Variants in AFF3 observed in about 807,000 individuals in gnomAD.
AFF3 encodes the protein ALF transcription elongation factor 3.
Under a neutral mutation model 129.7 loss-of-function variants are expected in AFF3, and 32 were observed. The observed-to-expected ratio is 0.25, with a 90% CI of 0.19 to 0.33. The LOEUF (loss-of-function observed/expected upper bound fraction) is 0.33, where lower values mean the gene tolerates loss of function less well. Among genes scored for constraint, AFF3 ranks in the 10% least tolerant of loss-of-function variants. AFF3 has a pLI of 1.00. For missense variants in AFF3, 1,373 were observed against 1,592.0 expected, an observed-to-expected ratio of 0.86 and a Z score of 2.34; for synonymous variants, 644 against 635.4, an observed-to-expected ratio of 1.01 and a Z score of -0.20.
chr2:100,044,835 G>A (rs756479894), intron 4 of AFF3, among the ~76,000 whole-genome samples: 27 of 151,932 alleles, frequency 1.8e-4, no homozygotes, highest in Admixed American at 9.2e-4. Context: ...CATGGGGGAT[G>A]TCTGATGGGG....
intron 11 of AFF3, among the ~76,000 whole-genome samples, chr2:99,696,819 T>A (rs1297089590): frequency 1.3e-5 from 2 of 151,874 alleles, no homozygotes; most frequent in African/African-American, 2.4e-5. Context: ...AATTTTAAAA[T>A]TTTTTTTGTA....
chr2:99,902,066 T>A (rs1694381737), intron 7 of AFF3, among the ~76,000 whole-genome samples: 1 of 151,586 alleles, frequency 6.6e-6, no homozygotes, highest in African/African-American at 2.4e-5. Context: ...AGGTCCCTCC[T>A]GGGTGCTCCC....
intron 11 of AFF3, among the ~76,000 whole-genome samples, chr2:99,684,124 A>G (rs1356601518): frequency 6.6e-6 from 1 of 152,184 alleles, no homozygotes; most frequent in African/African-American, 2.4e-5. Context: ...CTGAGAATTA[A>G]GGCCTAAGAC....
chr2:99,593,922 CG>C lies in AFF3; in HGVS notation c.1738del (p.Arg580GlyfsTer66). ...GGTGGGCTTCTTGCCCGCGGACCTC[CG>C]GGCAGGCGCGGGCGCGTTCTCCGCG... ...APAENAPAPA[R>X]RSAGKKPTRR... On this transcript the variant is annotated frameshift_variant, in exon 15 of 25. Coordinates refer to ENST00000672756, the MANE Select transcript of AFF3 (RefSeq NM_001386135.1). LOFTEE classifies it high-confidence loss of function. 3 of 1,393,356 alleles carry C rather than the reference CG, an allele frequency of 2.2e-6. No individual in the cohort carries two copies. Among genetic ancestry groups the C allele is most frequent in the Non-Finnish European group, 2.8e-6 (3 of 1,075,802 alleles). The allele number at this position is 1,393,356 out of a possible 1,614,324, so 86.3% of individuals were successfully genotyped here. A position where few individuals can be genotyped will look rare whatever the true frequency, so the allele number is the denominator to read the frequency against.
chr2:100,137,054 G>T (rs1170829332), intron 1 of AFF3, among the ~76,000 whole-genome samples: 1 of 152,068 alleles, frequency 6.6e-6, no homozygotes, highest in African/African-American at 2.4e-5. Flanking sequence ...TATATATAAA[G>T]AATTCTATTA....
chr2:99,550,029 T>C lies in AFF3; in HGVS notation c.*1445A>G. The C allele has an allele frequency of 4.4e-6, 1 of 228,142 alleles. No homozygotes were observed. The highest frequency in any genetic ancestry group is 6.3e-5 in the East Asian group (1 of 15,980). 14.1% of individuals were successfully genotyped at this position (228,142 alleles called of 1,614,324 possible). On this transcript the variant is annotated 3_prime_UTR_variant, in exon 25 of 25. Coordinates refer to ENST00000672756, the MANE Select transcript of AFF3 (RefSeq NM_001386135.1). ...TTTTTGTTTTTAACGTGTGGCAAGA[T>C]AGACCCTCTTTTTCAGGAGTTATTT... is the stretch of plus-strand genomic sequence containing the variant.
chr2:100,017,150 A>G (rs1683201353), intron 4 of AFF3, among the ~76,000 whole-genome samples: 1 of 152,078 alleles, frequency 6.6e-6, no homozygotes, highest in Non-Finnish European at 1.5e-5. Flanking sequence ...AACAGTGCAT[A>G]TAACAAATTC....
At chr2:99,749,150 A>T (rs1681415866) in intron 9 of AFF3, among the ~76,000 whole-genome samples, 1 of 152,228 alleles carries the variant, frequency 6.6e-6, no homozygotes, top group South Asian at 2.1e-4. Flanking sequence ...CACCAAAAAG[A>T]GAAAAGAAAA....
At chr2:100,050,017 G>T (rs527387114) in intron 4 of AFF3, among the ~76,000 whole-genome samples, 1 of 152,212 alleles carries the variant, frequency 6.6e-6, no homozygotes, top group Non-Finnish European at 1.5e-5. Flanking sequence ...TTCAAGACCA[G>T]CCTGGCCAAC....
chr2:99,573,567 A>G (rs1421257195), intron 18 of AFF3, among the ~76,000 whole-genome samples: 2 of 152,166 alleles, frequency 1.3e-5, no homozygotes, highest in Non-Finnish European at 2.9e-5. Flanking sequence ...TAGGGATTCA[A>G]CCTTTTACAA....
intron 7 of AFF3, among the ~76,000 whole-genome samples, chr2:99,996,548 TTTTTTG>T (rs1291448800): frequency 6.9e-6 from 1 of 145,500 alleles, no homozygotes; most frequent in East Asian, 2.0e-4. Flanking sequence ...TTTTTTTTTT[TTTTTTG>T]TATTTTTAGT....
intron 7 of AFF3, among the ~76,000 whole-genome samples, chr2:99,923,381 T>C (rs548580784): frequency 4.7e-4 from 72 of 152,346 alleles, no homozygotes; most frequent in African/African-American, 1.6e-3. Context: ...TAGCTTTTGA[T>C]GTTGAAAAGC....
intron 13 of AFF3, among the ~76,000 whole-genome samples, chr2:99,607,362 C>T (rs1680471887): frequency 6.6e-6 from 1 of 152,050 alleles, no homozygotes; most frequent in Non-Finnish European, 1.5e-5. Context: ...AAAACCCCGT[C>T]TCTACTAAAA....
chr2:99,843,708 TA>T (rs1370404508), intron 7 of AFF3, among the ~76,000 whole-genome samples: 1 of 152,228 alleles, frequency 6.6e-6, no homozygotes, highest in Non-Finnish European at 1.5e-5. Context: ...ACTGTTATTT[TA>T]AAATCGTTAA....
At chr2:99,640,988 C>T (rs1226371909) in intron 13 of AFF3, among the ~76,000 whole-genome samples, 1 of 152,176 alleles carries the variant, frequency 6.6e-6, no homozygotes, top group Non-Finnish European at 1.5e-5. Context: ...CTGTCTAGAG[C>T]TGGCTTCAGA....
intron 5 of AFF3, chr2:100,007,724 C>A: frequency 2.1e-6 from 1 of 469,828 alleles, no homozygotes; most frequent in Non-Finnish European, 3.8e-6. Context: ...CCTGGAATCC[C>A]AGCACTTTGG....
chr2:99,696,846 A>G (rs565536545), intron 11 of AFF3, among the ~76,000 whole-genome samples: 1 of 152,170 alleles, frequency 6.6e-6, no homozygotes, highest in Admixed American at 6.5e-5. Context: ...GAGTCTTGCT[A>G]TGTTGCCCAG....
chr2:100,135,048 T>C (rs374963535), intron 1 of AFF3, among the ~76,000 whole-genome samples: 2 of 152,172 alleles, frequency 1.3e-5, no homozygotes, highest in South Asian at 4.2e-4. Context: ...GGCCATGACA[T>C]AGGAGTGTTC....
intron 4 of AFF3, among the ~76,000 whole-genome samples, chr2:100,053,830 T>C (rs1686549977): frequency 6.6e-6 from 1 of 152,176 alleles, no homozygotes; most frequent in Admixed American, 6.5e-5. Flanking sequence ...AAGTAGTATT[T>C]GGGGCTCTGA....
Sources: allele counts gnomAD v4.1 joint callset (sites outside exome capture counted in the v4.1 genomes callset), GRCh38; gene constraint gnomAD v4.1.1; transcripts MANE v1.5; gene names NCBI Gene and HGNC (gene_info 2026-07-23, HGNC 2026-07-21).